DSP: variants seen among roughly 807,000 people sequenced by gnomAD.
DSP encodes the protein desmoplakin.
Under a neutral mutation model 290.6 loss-of-function variants are expected in DSP, and 114 were observed. The observed-to-expected ratio is 0.39, with a 90% CI of 0.34 to 0.46. The LOEUF is 0.46. DSP is among the 20% of genes least tolerant of loss of function. DSP has a pLI of 0.99. For missense variants in DSP, 3,230 were observed against 3,495.8 expected, an observed-to-expected ratio of 0.92 and a Z score of 1.92; for synonymous variants, 1,311 against 1,316.4, an observed-to-expected ratio of 1.00 and a Z score of 0.09.
intron 20 of DSP, among the ~76,000 whole-genome samples, chr6:7,577,404 C>A (rs985983040): frequency 6.6e-6 from 1 of 152,020 alleles, no homozygotes; most frequent in Non-Finnish European, 1.5e-5. Flanking sequence ...TCTCGGCTCA[C>A]CGCAACCTCT....
chr6:7,566,428 C>G lies in DSP; in HGVS notation c.991C>G (p.Gln331Glu), dbSNP rs121912991. The G allele has an allele frequency of 6.2e-7, 1 of 1,613,718 alleles. No individual in the cohort carries two copies. Among genetic ancestry groups the G allele is most frequent in the East Asian group, 2.2e-5 (1 of 44,870 alleles). The change falls in exon 8 of 24, where the codon CAA becomes GAA. Residue 331 changes from glutamine to glutamate, a missense_variant. By Grantham distance (29) the Gln-to-Glu change is conservative (BLOSUM62 2). Around this residue, in one of 5 missense-constraint regions of DSP, gnomAD observed 646 missense variants for 684.3 expected, o/e 0.94. Coordinates refer to ENST00000379802, the MANE Select transcript of DSP (RefSeq NM_004415.4). ...VKEKELNKLK[Q>E]ESDQLVLNQH... ...AGAAAAAGAGCTCAATAAGCTGAAA[C>G]AAGAAAGTGACCAACTTGTCCTCAA...
Position 7,582,515 on chromosome 6 carries a change from TAGAA to T in DSP, c.5380-121_5380-118del. On this transcript the variant is annotated intron_variant, in intron 23 of 23. Transcript: ENST00000379802. The surrounding 1 kb of genome is among the most constrained non-coding windows in gnomAD (Gnocchi z 4.2). ...GCTCACAGTGTATCCAGGGACAATA[TAGAA>T]AGAAAAAATAAGCAAGGCTTTTTTT... The T allele has an allele frequency of 3.4e-6, 3 of 884,230 alleles. No homozygotes were observed. Among genetic ancestry groups the T allele is most frequent in the South Asian group, 3.4e-5 (2 of 58,318 alleles). The allele number at this position is 884,230 out of a possible 1,614,324, so 54.8% of individuals were successfully genotyped here. A position where few individuals can be genotyped will look rare whatever the true frequency, so the allele number is the denominator to read the frequency against.
chr6:7,578,794 A>G (rs1303339107), intron 22 of DSP, among the ~76,000 whole-genome samples: 3 of 152,214 alleles, frequency 2.0e-5, no homozygotes, highest in Non-Finnish European at 4.4e-5. Context: ...TTGCCAAACA[A>G]AAGTCACTTG....
rs770590535 is a variant in DSP, at chr6:7,585,049, T to C, written c.7787T>C (p.Ile2596Thr). The change falls in exon 24 of 24, where the codon ATA becomes ACA. Residue 2596 changes from isoleucine (I) to threonine (T), a missense_variant. Coordinates refer to ENST00000379802, the MANE Select transcript of DSP (RefSeq NM_004415.4). ...GAATCAGTAAGTAAGATTTCCACCATATCCAGCGTCAGGAATTTAACCATA... is the reference window on the plus strand; with the variant it reads ...GAATCAGTAAGTAAGATTTCCACCACATCCAGCGTCAGGAATTTAACCATA... ...RHESVSKIST[I>T]SSVRNLTIRS... 3.7e-6 allele frequency: 6 copies of C among 1,614,174 alleles called. No individual in the cohort carries two copies. The Admixed American group carries it at 8.3e-5, about 22-fold the overall frequency.
At chr6:7,542,959 G>T (rs1436691158) in intron 1 of DSP, among the ~76,000 whole-genome samples, 2 of 152,168 alleles carry the variant, frequency 1.3e-5, no homozygotes, top group Non-Finnish European at 2.9e-5. Flanking sequence ...GGGAGAGGAC[G>T]ACGCTGGGGG....
chr6:7,584,434 C>T lies in DSP; in HGVS notation c.7172C>T (p.Ala2391Val), dbSNP rs879254351. Residue 2391 changes from alanine to valine, a missense_variant, in exon 24 of 24, where the codon GCA (alanine) becomes GTA (valine). By Grantham distance (64) the Ala-to-Val change is moderately conservative (BLOSUM62 0). Around this residue, in one of 5 missense-constraint regions of DSP, gnomAD observed 207 missense variants for 281.2 expected, o/e 0.74. Coordinates refer to ENST00000379802, the MANE Select transcript of DSP (RefSeq NM_004415.4). The surrounding 1 kb of genome is among the most constrained non-coding windows in gnomAD (Gnocchi z 6.4). ...KESHRLPVDI[A>V]YKRGYFNEEL... ...AGCCATCGTTTACCAGTTGACATAG[C>T]ATATAAGAGGGGCTATTTCAATGAG... is the stretch of plus-strand genomic sequence containing the variant. The T allele has an allele frequency of 6.2e-7, 1 of 1,614,032 alleles. No individual in the cohort carries two copies. The highest frequency in any genetic ancestry group is 8.5e-7 in the Non-Finnish European group (1 of 1,180,036).
At chr6:7,564,582 G>A (rs1352565677) in intron 6 of DSP, among the ~76,000 whole-genome samples, 1 of 152,150 alleles carries the variant, frequency 6.6e-6, no homozygotes, top group African/African-American at 2.4e-5. Context: ...AATACAGTTA[G>A]ATAGAAGGAG....
rs730880091 is a variant in DSP, at chr6:7,581,349, TAGA to T, written c.5167_5169del (p.Glu1723del). On this transcript the variant is annotated inframe_deletion, in exon 23 of 24. Transcript: ENST00000379802. ...AACCTGACCAAGGAGCACTTGATGT[TAGA>T]AGAAGAACTGCGGAACCTGAGGCTG... 6.5e-5 allele frequency: 105 copies of T among 1,614,046 alleles called. No homozygotes were observed. The highest frequency in any genetic ancestry group is 1.6e-4 in the Middle Eastern group (1 of 6,084).
At position 7,574,337 on chromosome 6, in the gene DSP, A is replaced by T. The variant is rs1043893144; in HGVS notation, c.2297+85A>T. 3 of 1,384,558 alleles carry T rather than the reference A, an allele frequency of 2.2e-6. No individual in the cohort carries two copies. In the African/African-American group the frequency reaches 4.3e-5, roughly 20 times the overall value. The allele number at this position is 1,384,558 out of a possible 1,614,324, so 85.8% of individuals were successfully genotyped here. ...TTCATTTGCTTTAGATGCTTGCCTT[A>T]CAGTTTCTCTGTTACTAGAGATTTA... On this transcript the variant is annotated intron_variant, in intron 16 of 23. Transcript: ENST00000379802.
chr6:7,581,765 T>C (rs995137279), intron 23 of DSP, among the ~76,000 whole-genome samples, 196 bp downstream of exon 23: 6 of 152,240 alleles, frequency 3.9e-5, no homozygotes, highest in African/African-American at 1.2e-4. Flanking sequence ...GCCCTGCTGT[T>C]CTTTAATTGC....
chr6:7,574,548 T>A, intron 16 of DSP, 109 bp from the exon 17 acceptor site: 2 of 1,509,368 alleles, frequency 1.3e-6, no homozygotes, highest in South Asian at 2.3e-5. Flanking sequence ...ACAAAATAAA[T>A]TTTTATCTGC....
chr6:7,585,474 G>A lies in DSP; in HGVS notation c.8212G>A (p.Asp2738Asn). ...CCAGTACCTCACGGGAGGTCTTGTT[G>A]ACCCGGAAGTGCATGGGAGGATAAG... ...EFQYLTGGLV[D>N]PEVHGRISTE... is the part of the protein sequence containing the mutation. The change falls in exon 24 of 24, where the codon GAC becomes AAC. Residue 2738 changes from aspartate to asparagine, a missense_variant. Around this residue, in one of 5 missense-constraint regions of DSP, gnomAD observed 582 missense variants for 555.4 expected, o/e 1.05. Coordinates refer to ENST00000379802, the MANE Select transcript of DSP (RefSeq NM_004415.4). 1.2e-6 allele frequency: 2 copies of A among 1,614,166 alleles called. No individual in the cohort carries two copies. The highest frequency in any genetic ancestry group is 1.7e-5 in the Admixed American group (1 of 60,028).
Position 7,579,882 on chromosome 6 carries a change from A to G in DSP, c.3692A>G (p.Asp1231Gly). 1 of 1,614,182 alleles carries G rather than the reference A, an allele frequency of 6.2e-7. No homozygotes were observed. Among genetic ancestry groups the G allele is most frequent in the Non-Finnish European group, 8.5e-7 (1 of 1,180,038 alleles). Reference sequence around the variant, plus strand: ...GAGATATCCATGCAAAAAGAGGATGATTCCAAAAATCTTAGAAACCAGCTT... The same window carrying G: ...GAGATATCCATGCAAAAAGAGGATGGTTCCAAAAATCTTAGAAACCAGCTT... ...IKEISMQKED[D>G]SKNLRNQLDR... Residue 1231 changes from aspartate to glycine, a missense_variant, in exon 23 of 24, where the codon GAT becomes GGT. Around this residue, in one of 5 missense-constraint regions of DSP, gnomAD observed 1,714 missense variants for 1,844.5 expected, o/e 0.93. Coordinates refer to ENST00000379802, the MANE Select transcript of DSP (RefSeq NM_004415.4). The surrounding 1 kb of genome is among the most constrained non-coding windows in gnomAD (Gnocchi z 4.1).
At chr6:7,574,286 T>G (rs1477905976) in intron 16 of DSP, 34 bp downstream of exon 16, 1 of 1,605,704 alleles carries the variant, frequency 6.2e-7, no homozygotes, top group Non-Finnish European at 8.5e-7. Context: ...CATATTTTCC[T>G]TTTCTCAAGC....
rs2076303 is a variant in DSP at position 7,571,793 on chromosome 6, T to A, written c.1904-49T>A. On this transcript the variant is annotated intron_variant, in intron 14 of 23. Coordinates refer to ENST00000379802, the MANE Select transcript of DSP (RefSeq NM_004415.4). ...GGATGTTTTTTGAGGCCTAGCACCT[T>A]GATACCTAGGTATTCTCTGATTTTT... The A allele has an allele frequency of 0.43, 676,874 of 1,583,700 alleles. 150,193 individuals are homozygous for A. Among genetic ancestry groups the A allele is most frequent in the East Asian group, 0.79 (35,509 of 44,746 alleles).
chr6:7,567,875 A>C lies in DSP; in HGVS notation c.1235A>C (p.Gln412Pro). 6.2e-7 allele frequency: 1 copy of C among 1,614,028 alleles called. No individual in the cohort carries two copies. Among genetic ancestry groups the C allele is most frequent in the Non-Finnish European group, 8.5e-7 (1 of 1,179,944 alleles). Reference sequence around the variant, plus strand: ...CCCTGCGACAAGAACATGCCCCTGCAGCACCTGCTGGAACAGATCAAGGAG... The same window carrying C: ...CCCTGCGACAAGAACATGCCCCTGCCGCACCTGCTGGAACAGATCAAGGAG... ...KYPCDKNMPL[Q>P]HLLEQIKELE... The change falls in exon 10 of 24, where the codon CAG becomes CCG. Residue 412 changes from glutamine to proline, a missense_variant. By Grantham distance (76) the Gln-to-Pro change is moderately conservative (BLOSUM62 -1). This residue lies in a region of DSP where 646 missense variants were observed against 684.3 expected (regional missense o/e 0.94). Transcript: ENST00000379802.
In DSP at chr6:7,585,090, T is replaced by C; in HGVS notation, c.7828T>C (p.Ser2610Pro). The C allele has an allele frequency of 6.2e-7, 1 of 1,614,178 alleles. No individual in the cohort carries two copies. The highest frequency in any genetic ancestry group is 8.5e-7 in the Non-Finnish European group (1 of 1,180,034). The change falls in exon 24 of 24, where the codon TCA (serine) becomes CCA (proline). Residue 2610 changes from serine to proline, a missense_variant. Ser to Pro is a moderately conservative substitution (Grantham distance 74). Around this residue, in one of 5 missense-constraint regions of DSP, gnomAD observed 582 missense variants for 555.4 expected, o/e 1.05. Transcript: ENST00000379802. Reference protein sequence around the residue: ...RNLTIRSSSFSDTLEESSPIA... With the variant: ...RNLTIRSSSFPDTLEESSPIA... ...TTTAACCATAAGGAGCAGCTCTTTT[T>C]CAGACACCCTGGAAGAATCGAGCCC...
Position 7,579,598 on chromosome 6 carries a change from G to A in DSP, c.3408G>A (p.Lys1136=), listed in dbSNP as rs1221361788. ...TGGAAGACAGATTTGACCAACAGAAGAATGACTATGACCAACTGCAGAAAG... is the reference window on the plus strand; with the variant it reads ...TGGAAGACAGATTTGACCAACAGAAAAATGACTATGACCAACTGCAGAAAG... ...KSVEDRFDQQ[K]NDYDQLQKAR... Residue 1136 remains lysine, a synonymous_variant, in exon 23 of 24, where the codon AAG becomes AAA. Coordinates refer to ENST00000379802, the MANE Select transcript of DSP (RefSeq NM_004415.4). The surrounding 1 kb of genome is among the most constrained non-coding windows in gnomAD (Gnocchi z 4.1). 6 of 1,613,944 alleles carry A rather than the reference G, an allele frequency of 3.7e-6. No individual in the cohort carries two copies. In the Admixed American group the frequency reaches 8.3e-5, roughly 22 times the overall value.
chr6:7,558,407 C>A, intron 3 of DSP, 143 bp downstream of exon 3: 1 of 1,169,058 alleles, frequency 8.6e-7, no homozygotes, highest in South Asian at 1.4e-5. Context: ...TGGTATTTTG[C>A]AACTTTATTA....
Sources: gnomAD v4.1 joint callset for allele counts (sites outside exome capture counted in the v4.1 genomes callset) on GRCh38, gnomAD v4.1.1 for gene constraint, gnomAD v4.1.1 regional missense constraint, Gnocchi (gnomAD v3.1) non-coding constraint, MANE v1.5 for transcripts, NCBI Gene and HGNC (gene_info 2026-07-23, HGNC 2026-07-21) for gene names.